SAMSN1: variants seen among roughly 807,000 people sequenced by gnomAD.
The protein encoded by SAMSN1 is SAM domain-containing protein SAMSN-1.
In SAMSN1, 31 loss-of-function variants were observed where a neutral mutation model predicts 42.0. The ratio of observed to expected loss-of-function variants is 0.74; its 90% CI spans 0.55 to 1.00. The LOEUF (loss-of-function observed/expected upper bound fraction) is 1.00. Among genes scored for constraint, SAMSN1 ranks in the 50% least tolerant of loss-of-function variants. SAMSN1 has a pLI of 0.00. For synonymous variants in SAMSN1, 178 were observed against 151.9 expected (o/e 1.17, Z -1.26); for missense variants, 464 against 439.4 (o/e 1.06, Z -0.50).
intron 7 of SAMSN1, among the ~76,000 whole-genome samples, 161 bp from the exon 8 acceptor site, chr21:14,486,275 G>A (rs1212384806): frequency 6.6e-6 from 1 of 152,152 alleles, no homozygotes; most frequent in Non-Finnish European, 1.5e-5. Context: ...TATTACAAAA[G>A]AGATATTTGC....
At chr21:14,644,540 G>A (rs1216067636) in intron 1 of SAMSN1, among the ~76,000 whole-genome samples, 1 of 152,088 alleles carries the variant, frequency 6.6e-6, no homozygotes, top group African/African-American at 2.4e-5. Flanking sequence ...TACATCAAGG[G>A]CCTTGGGAAA....
At chr21:14,598,675 C>T (rs918566932) in intron 6 of SAMSN1, among the ~76,000 whole-genome samples, 2 of 152,142 alleles carry the variant, frequency 1.3e-5, no homozygotes, top group Non-Finnish European at 2.9e-5. Context: ...TGCCTGAGAT[C>T]TTCTCTTCCA....
At chr21:14,493,085 G>A (rs1001317085) in intron 7 of SAMSN1, among the ~76,000 whole-genome samples, 2 of 152,134 alleles carry the variant, frequency 1.3e-5, no homozygotes, top group Non-Finnish European at 2.9e-5. Context: ...TCCTGGCTGC[G>A]GCCCGCCATT....
At chr21:14,603,833 C>T (rs941663703) in intron 5 of SAMSN1, among the ~76,000 whole-genome samples, 1 of 152,216 alleles carries the variant, frequency 6.6e-6, no homozygotes, top group African/African-American at 2.4e-5. Flanking sequence ...AGCTCCACAG[C>T]TAAAGAGTAG....
At chr21:14,514,935 C>T (rs1485729418) in intron 3 of SAMSN1, among the ~76,000 whole-genome samples, 1 of 151,882 alleles carries the variant, frequency 6.6e-6, no homozygotes, top group Non-Finnish European at 1.5e-5. Context: ...GATGAGCTGA[C>T]TTAAGGGGAG....
exon 2 of SAMSN1, chr21:14,582,272 G>A (rs2822786): frequency 0.31 from 477,338 of 1,550,200 alleles, 76,645 homozygotes; most frequent in Non-Finnish European, 0.32. Flanking sequence ...TTCAGGAAAA[G>A]GCTTCCAGTG....
intron 2 of SAMSN1, among the ~76,000 whole-genome samples, chr21:14,553,560 CA>C (rs2123182739): frequency 6.6e-6 from 1 of 152,278 alleles, no homozygotes; most frequent in East Asian, 1.9e-4. Flanking sequence ...CTAAGTCTCA[CA>C]TCATGTTTCT....
chr21:14,552,758 G>T (rs1316426699), intron 2 of SAMSN1, among the ~76,000 whole-genome samples: 1 of 152,100 alleles, frequency 6.6e-6, no homozygotes, highest in African/African-American at 2.4e-5. Flanking sequence ...ATTTGCTCGA[G>T]TTGGAGGTTT....
At chr21:14,494,847 C>T (rs998402637) in intron 7 of SAMSN1, among the ~76,000 whole-genome samples, 2 of 152,066 alleles carry the variant, frequency 1.3e-5, no homozygotes, top group African/African-American at 4.8e-5. Flanking sequence ...CTGTTTTGTA[C>T]CCCATCCTCT....
intron 2 of SAMSN1, among the ~76,000 whole-genome samples, chr21:14,623,394 A>G (rs435547): frequency 0.48 from 72,523 of 151,962 alleles, 20,410 homozygotes; most frequent in Non-Finnish European, 0.63. Flanking sequence ...TCACGTGCAG[A>G]GACACACATA....
intron 6 of SAMSN1, among the ~76,000 whole-genome samples, chr21:14,596,481 AC>A (rs1432523789): frequency 6.6e-6 from 1 of 152,180 alleles, no homozygotes; most frequent in East Asian, 1.9e-4. Flanking sequence ...GGAACCTAAG[AC>A]TGCCCCTCAC....
chr21:14,549,562 C>T (rs1446081786), upstream of SAMSN1, among the ~76,000 whole-genome samples: 4 of 152,086 alleles, frequency 2.6e-5, no homozygotes, highest in Non-Finnish European at 4.4e-5. Flanking sequence ...ATACTCCTGA[C>T]TATACCTCAA....
Position 14,526,054 on chromosome 21 carries a change from G to A in SAMSN1, c.58-4833C>T, listed in dbSNP as rs563088821. 1.4e-4 allele frequency among the ~76,000 whole-genome samples: 21 copies of A among 152,146 alleles called. No homozygotes were observed. In the South Asian group the frequency reaches 3.9e-3, roughly 29 times the overall value. ...CTAATTTTTTTGTATTTTTAGTAGA[G>A]ACAGGGTTTGACCGTGTTAGCCAGG... On this transcript the variant is annotated intron_variant, in intron 1 of 7. Coordinates refer to ENST00000400566, the MANE Select transcript of SAMSN1 (RefSeq NM_022136.5).
intron 1 of SAMSN1, among the ~76,000 whole-genome samples, chr21:14,524,433 G>A (rs548405569): frequency 1.8e-4 from 27 of 152,232 alleles, no homozygotes; most frequent in Non-Finnish European, 3.2e-4. Context: ...ATAATTCTTT[G>A]TGTCTGTTGA....
chr21:14,506,180 C>T (rs1445469042), intron 5 of SAMSN1, among the ~76,000 whole-genome samples: 1 of 151,942 alleles, frequency 6.6e-6, no homozygotes, highest in African/African-American at 2.4e-5. Flanking sequence ...GAAACAAGAA[C>T]AAACCAAACT....
At chr21:14,579,244 T>C (rs975860312) in intron 2 of SAMSN1, among the ~76,000 whole-genome samples, 29 of 152,374 alleles carry the variant, frequency 1.9e-4, no homozygotes, top group Non-Finnish European at 2.2e-4. Flanking sequence ...GAGGCTTTTC[T>C]GTCACGAATG....
At chr21:14,614,986 G>A (rs1600964875) in intron 3 of SAMSN1, among the ~76,000 whole-genome samples, 1 of 152,050 alleles carries the variant, frequency 6.6e-6, no homozygotes, top group Non-Finnish European at 1.5e-5. Context: ...CTATGTTTTG[G>A]TAGCCTATAT....
At chr21:14,647,699 C>G (rs1983744911) in intron 1 of SAMSN1, among the ~76,000 whole-genome samples, 1 of 136,984 alleles carries the variant, frequency 7.3e-6, no homozygotes, top group South Asian at 2.5e-4. Context: ...AGAGGTCCTT[C>G]ACATCCCTTG....
intron 2 of SAMSN1, among the ~76,000 whole-genome samples, chr21:14,640,166 G>T (rs1983559236): frequency 6.6e-6 from 1 of 152,140 alleles, no homozygotes; most frequent in Non-Finnish European, 1.5e-5. Flanking sequence ...GAAATTCCTA[G>T]TAAGTATGAA....
Sources: allele counts gnomAD v4.1 joint callset (sites outside exome capture counted in the v4.1 genomes callset), GRCh38; gene constraint gnomAD v4.1.1; transcripts MANE v1.5; gene names NCBI Gene and HGNC (gene_info 2026-07-23, HGNC 2026-07-21).